Variants in TTC39C observed in about 807,000 individuals in gnomAD.
TTC39C encodes tetratricopeptide repeat domain 39C.
In TTC39C, 33 loss-of-function variants were observed where a neutral mutation model predicts 76.3. The observed-to-expected ratio is 0.43, with a 90% CI of 0.33 to 0.58. The LOEUF is 0.58. Ranked by LOEUF, TTC39C falls within the 20% of genes least tolerant of loss-of-function variation. The pLI, the probability that TTC39C is intolerant of heterozygous loss-of-function variation, is 0.04. For synonymous variants in TTC39C, 254 were observed against 260.6 expected, an observed-to-expected ratio of 0.97 and a Z score of 0.24; for missense variants, 595 against 701.4, an observed-to-expected ratio of 0.85 and a Z score of 1.71.
At chr18:24,065,990 T>C in intron 2 of TTC39C, 22 bp from the exon 3 acceptor site, 1 of 1,537,658 alleles carries the variant, frequency 6.5e-7, no homozygotes, top group Non-Finnish European at 8.7e-7. Flanking sequence ...CATTCATTCA[T>C]TCATTCTTTC....
intron 1 of TTC39C, among the ~76,000 whole-genome samples, chr18:24,008,878 A>G (rs2083374446): frequency 6.6e-6 from 1 of 152,238 alleles, no homozygotes; most frequent in Non-Finnish European, 1.5e-5. Context: ...CATAAAAAAG[A>G]ATAAGATCAT....
At chr18:23,996,861 G>C (rs1423678880) in intron 1 of TTC39C, among the ~76,000 whole-genome samples, 1 of 152,210 alleles carries the variant, frequency 6.6e-6, no homozygotes, top group Non-Finnish European at 1.5e-5. Flanking sequence ...TGTAATCCCA[G>C]CACTTTGGGA....
chr18:24,074,631 C>T (rs991962804), intron 4 of TTC39C, among the ~76,000 whole-genome samples: 2 of 152,038 alleles, frequency 1.3e-5, no homozygotes, highest in African/African-American at 2.4e-5. Context: ...GAATGGTGAT[C>T]GTTAAAAAGT....
intron 8 of TTC39C, among the ~76,000 whole-genome samples, chr18:24,123,393 G>T (rs1181943655): frequency 9.9e-4 from 114 of 115,200 alleles, no homozygotes; most frequent in African/African-American, 2.9e-3. Context: ...TTTTTTGTTT[G>T]TTTGTTTGTT....
At position 24,132,600 on chromosome 18, in the gene TTC39C, C is replaced by T; in HGVS notation, c.*26C>T. 1 of 1,594,050 alleles carries T rather than the reference C, an allele frequency of 6.3e-7. No homozygotes were observed. The highest frequency in any genetic ancestry group is 1.1e-5 in the South Asian group (1 of 89,550). On this transcript the variant is annotated 3_prime_UTR_variant, in exon 14 of 14. Coordinates refer to ENST00000317571, the MANE Select transcript of TTC39C (RefSeq NM_001135993.2). ...CAGACCCGGAACACCCGCTCCGTCC[C>T]TCCCCACCCAGGGTCCGCACTTTAA...
At chr18:23,999,411 G>T (rs1045910678) in intron 1 of TTC39C, among the ~76,000 whole-genome samples, 6 of 152,196 alleles carry the variant, frequency 3.9e-5, no homozygotes, top group Non-Finnish European at 1.5e-5. Context: ...ACCACACTTC[G>T]AAATCGTCAC....
At chr18:24,045,559 GTCTGTATTTCTAC>G (rs11270146) in intron 1 of TTC39C, among the ~76,000 whole-genome samples, 18,793 of 151,972 alleles carry the variant, frequency 0.12, 1,261 homozygotes, top group South Asian at 0.15. Flanking sequence ...AGTTTTCACT[GTCTGTATTTCTAC>G]TCTGGAACGT....
In TTC39C at chr18:24,125,281, TAG is replaced by T. The variant is rs1430817905; in HGVS notation, c.1297-140_1297-139del. ...CAAAAATTGAAAGCAACATTTTTTATAGAGAGAAGAATTGTTATTCTTAGCTT... is the reference window on the plus strand; with the variant it reads ...CAAAAATTGAAAGCAACATTTTTTATAGAGAAGAATTGTTATTCTTAGCTT... On this transcript the variant is annotated intron_variant, in intron 9 of 13. Coordinates refer to ENST00000317571, the MANE Select transcript of TTC39C (RefSeq NM_001135993.2). The T allele has an allele frequency of 4.6e-6, 5 of 1,077,414 alleles. No homozygotes were observed. The Admixed American group carries it at 1.4e-4, about 31-fold the overall frequency. 66.7% of individuals were successfully genotyped at this position (1,077,414 alleles called of 1,614,324 possible). A position where few individuals can be genotyped will look rare whatever the true frequency, so the allele number is the denominator to read the frequency against.
At chr18:24,053,321 T>C (rs1048099711) in intron 1 of TTC39C, among the ~76,000 whole-genome samples, 1 of 152,220 alleles carries the variant, frequency 6.6e-6, no homozygotes, top group African/African-American at 2.4e-5. Flanking sequence ...TAGAAGATGC[T>C]CTGTTTAATA....
intron 11 of TTC39C, 64 bp downstream of exon 11, chr18:24,129,047 G>T: frequency 7.7e-7 from 1 of 1,301,692 alleles, no homozygotes; most frequent in Non-Finnish European, 1.1e-6. Flanking sequence ...ATATGCTTGT[G>T]AATAAGAAAA....
chr18:24,116,374 C>A (rs1177886644), intron 7 of TTC39C, among the ~76,000 whole-genome samples: 1 of 152,148 alleles, frequency 6.6e-6, no homozygotes, highest in African/African-American at 2.4e-5. Flanking sequence ...GAAACCCCGT[C>A]TTTACCAAAA....
chr18:24,015,228 A>C (rs2145641097), intron 1 of TTC39C, 190 bp downstream of exon 1: 7 of 466,236 alleles, frequency 1.5e-5, no homozygotes, highest in Non-Finnish European at 2.5e-5. Flanking sequence ...TCCACCCCCT[A>C]CCCCCGGCTC....
upstream of TTC39C, among the ~76,000 whole-genome samples, chr18:24,011,765 T>G (rs2083395057): frequency 6.6e-6 from 1 of 152,206 alleles, no homozygotes; most frequent in South Asian, 2.1e-4. Flanking sequence ...AGTGGGTTAT[T>G]TCCACCACTC....
At chr18:24,092,876 GA>G (rs2084542543) in intron 6 of TTC39C, among the ~76,000 whole-genome samples, 1 of 152,110 alleles carries the variant, frequency 6.6e-6, no homozygotes, top group Admixed American at 6.6e-5. Context: ...GTTGAGCCCA[GA>G]AGTTTGATAC....
At chr18:24,066,446 G>A (rs976955797) in intron 3 of TTC39C, among the ~76,000 whole-genome samples, 5 of 152,274 alleles carry the variant, frequency 3.3e-5, no homozygotes, top group African/African-American at 1.2e-4. Context: ...AATAGGATAC[G>A]ATGGCAGTTG....
intron 1 of TTC39C, among the ~76,000 whole-genome samples, chr18:24,062,864 A>G (rs1306963938): frequency 6.6e-6 from 1 of 152,172 alleles, no homozygotes; most frequent in Non-Finnish European, 1.5e-5. Flanking sequence ...CCAAAAATAT[A>G]TTTGGCCTTG....
At chr18:24,108,315 T>G (rs139265130) in intron 6 of TTC39C, among the ~76,000 whole-genome samples, 4 of 152,328 alleles carry the variant, frequency 2.6e-5, no homozygotes, top group Non-Finnish European at 5.9e-5. Flanking sequence ...ACTGCTCACT[T>G]GGGAAGCAGA....
intron 1 of TTC39C, among the ~76,000 whole-genome samples, chr18:24,040,349 TA>T (rs1419860807): frequency 2.6e-5 from 4 of 152,200 alleles, no homozygotes; most frequent in Admixed American, 1.3e-4. Context: ...AGTAAGAGGT[TA>T]AAATCATTTG....
intron 4 of TTC39C, among the ~76,000 whole-genome samples, chr18:24,076,269 C>T (rs182272126): frequency 2.6e-5 from 4 of 152,282 alleles, no homozygotes; most frequent in Admixed American, 1.3e-4. Flanking sequence ...CATGAGCCAC[C>T]GCGCCCGGCC....
Sources: gnomAD v4.1 joint callset for allele counts (sites outside exome capture counted in the v4.1 genomes callset) on GRCh38, gnomAD v4.1.1 for gene constraint, MANE v1.5 for transcripts, NCBI Gene and HGNC (gene_info 2026-07-23, HGNC 2026-07-21) for gene names.